The following ALDH7A1 variants were observed in gnomAD, a reference collection of about 807,000 sequenced individuals.
ALDH7A1 encodes the protein alpha-aminoadipic semialdehyde dehydrogenase.
In ALDH7A1, 63 loss-of-function variants were observed where a neutral mutation model predicts 79.9. The ratio of observed to expected loss-of-function variants is 0.79; its 90% CI spans 0.64 to 0.97. ALDH7A1 has a LOEUF of 0.97. Ranked by LOEUF, ALDH7A1 falls within the 50% of genes least tolerant of loss-of-function variation. The pLI is 0.00. For missense variants in ALDH7A1, 627 were observed against 665.2 expected, an observed-to-expected ratio of 0.94 and a Z score of 0.63; for synonymous variants, 240 against 231.2, an observed-to-expected ratio of 1.04 and a Z score of -0.34.
chr5:126,582,979 A>G lies in ALDH7A1; in HGVS notation c.394-5T>C, dbSNP rs1299570489. The G allele has an allele frequency of 1.9e-6, 3 of 1,614,046 alleles. No homozygotes were observed. In the Admixed American group the frequency reaches 5.0e-5, roughly 27 times the overall value. On this transcript the variant is annotated splice_polypyrimidine_tract_variant and splice_region_variant and intron_variant, in intron 4 of 17. Transcript: ENST00000409134. ...TTTCCCCATCTCCAAAGACACCTAG[A>G]AATATAAAACGACAAGCAGAATTTT...
At chr5:126,577,053 T>C in intron 6 of ALDH7A1, 26 bp downstream of exon 6, 1 of 1,613,232 alleles carries the variant, frequency 6.2e-7, no homozygotes, top group Non-Finnish European at 8.5e-7. Context: ...CACTCACTAC[T>C]AAATAGGAAA....
chr5:126,593,527 C>G, intron 1 of ALDH7A1, 123 bp from the exon 2 acceptor site: 2 of 1,353,600 alleles, frequency 1.5e-6, no homozygotes, highest in Middle Eastern at 2.4e-4. Flanking sequence ...ACTCAAAAAG[C>G]TTAGGTTAAC....
chr5:126,577,918 C>G (rs763925553), intron 5 of ALDH7A1, among the ~76,000 whole-genome samples: 11 of 151,014 alleles, frequency 7.3e-5, no homozygotes, highest in Non-Finnish European at 1.2e-4. Context: ...TCTCTGAATT[C>G]AAGACAAGGT....
intron 1 of ALDH7A1, 100 bp downstream of exon 1, chr5:126,594,907 T>G: frequency 4.8e-6 from 7 of 1,465,912 alleles, no homozygotes; most frequent in Non-Finnish European, 6.5e-6. Flanking sequence ...CCCATGCTAC[T>G]ACCGCATCCA....
At chr5:126,578,118 G>A (rs1409912979) in intron 5 of ALDH7A1, among the ~76,000 whole-genome samples, 1 of 150,206 alleles carries the variant, frequency 6.7e-6, no homozygotes, top group East Asian at 2.0e-4. Context: ...GTGAAACCCT[G>A]TCTCTACTGA....
intron 10 of ALDH7A1, among the ~76,000 whole-genome samples, chr5:126,560,256 G>C (rs1443271793): frequency 1.3e-5 from 2 of 152,182 alleles, no homozygotes; most frequent in East Asian, 3.9e-4. Flanking sequence ...CGGATCACCT[G>C]AAGTCAGGAG....
chr5:126,568,563 T>C, intron 8 of ALDH7A1: 1 of 570,214 alleles, frequency 1.8e-6, no homozygotes, highest in Admixed American at 2.9e-5. Flanking sequence ...GCTAACCTGC[T>C]GTGAGCATTT....
rs759132307 is a variant in ALDH7A1, at chr5:126,559,434, G to GTT, written c.914-102_914-101dup. 66,200 of 419,990 alleles carry GTT rather than the reference G, an allele frequency of 0.16. 2,171 individuals carry two copies. The highest frequency in any genetic ancestry group is 0.19 in the Non-Finnish European group (44,554 of 240,396). 26.0% of individuals were successfully genotyped at this position (419,990 alleles called of 1,614,324 possible). A position where few individuals can be genotyped will look rare whatever the true frequency, so the allele number is the denominator to read the frequency against. ...ATGTTGTTTTTTGTTTTTGGTTTTG[G>GTT]TTTTTTTTTTTTTTTTTTGAGACAG... On this transcript the variant is annotated intron_variant, in intron 10 of 17. Transcript: ENST00000409134.
chr5:126,566,060 T>C (rs1750571670), intron 9 of ALDH7A1, among the ~76,000 whole-genome samples: 1 of 152,258 alleles, frequency 6.6e-6, no homozygotes, highest in Non-Finnish European at 1.5e-5. Context: ...TTTGGCCTTT[T>C]AGGGTCCTTT....
intron 12 of ALDH7A1, 44 bp downstream of exon 12, chr5:126,555,887 G>T: frequency 1.4e-6 from 2 of 1,456,322 alleles, no homozygotes; most frequent in Non-Finnish European, 1.9e-6. Flanking sequence ...GTTAACAACA[G>T]CTCTCAAAAA....
intron 16 of ALDH7A1, among the ~76,000 whole-genome samples, chr5:126,548,847 C>T (rs1406436521): frequency 6.8e-6 from 1 of 146,046 alleles, no homozygotes; most frequent in Non-Finnish European, 1.5e-5. Flanking sequence ...ATGGCTTGAG[C>T]CCAGGAATTT....
chr5:126,565,379 C>A (rs1019791660), intron 9 of ALDH7A1, among the ~76,000 whole-genome samples: 4 of 107,686 alleles, frequency 3.7e-5, no homozygotes, highest in Non-Finnish European at 6.7e-5. Flanking sequence ...GGCAACAGAG[C>A]GTGAGATTCC....
Position 126,595,159 on chromosome 5 carries a change from T to C in ALDH7A1, c.40A>G (p.Lys14Glu). The change falls in exon 1 of 18, where the codon AAG becomes GAG. Residue 14 changes from lysine to glutamate, a missense_variant. Physicochemically the swap from Lys to Glu is moderately conservative, Grantham distance 56. Coordinates refer to ENST00000409134, the MANE Select transcript of ALDH7A1 (RefSeq NM_001182.5). ...LPRALCVHAAKTSKLSGPWSR... is the reference protein window; with the variant it reads ...LPRALCVHAAETSKLSGPWSR... ...CAAGGTCCAGAGAGCTTGCTGGTCT[T>C]TGCAGCGTGCACACACAGCGCGCGA... 6 of 1,556,356 alleles carry C rather than the reference T, an allele frequency of 3.9e-6. No homozygotes were observed. Among genetic ancestry groups the C allele is most frequent in the South Asian group, 2.4e-5 (2 of 84,606 alleles).
At position 126,549,962 on chromosome 5, in the gene ALDH7A1, G is replaced by C. The variant is rs1328061500; in HGVS notation, c.1456C>G (p.Pro486Ala). The change falls in exon 16 of 18, where the codon CCA becomes GCA. Residue 486 changes from proline (P) to alanine (A), a missense_variant. Coordinates refer to ENST00000409134, the MANE Select transcript of ALDH7A1 (RefSeq NM_001182.5). ...SDCGIVNVNI[P>A]TSGAEIGGAF... ...CCTCCAATCTCAGCCCCACTTGTTGGAATGTTGACATTTACAATGCCACAG... is the reference window on the plus strand; with the variant it reads ...CCTCCAATCTCAGCCCCACTTGTTGCAATGTTGACATTTACAATGCCACAG... 1.9e-6 allele frequency: 3 copies of C among 1,614,118 alleles called. No individual in the cohort carries two copies. The South Asian group carries it at 3.3e-5, about 18-fold the overall frequency.
chr5:126,558,181 A>C (rs1440248516), intron 11 of ALDH7A1, among the ~76,000 whole-genome samples: 302 of 149,854 alleles, frequency 2.0e-3, no homozygotes, highest in African/African-American at 7.2e-3. Context: ...AAAAAAAAAA[A>C]AAAAAAAAAA....
intron 8 of ALDH7A1, chr5:126,568,591 AG>A (rs1475972037): frequency 1.2e-5 from 6 of 520,530 alleles, no homozygotes; most frequent in African/African-American, 5.8e-5. Flanking sequence ...AATCACCTAG[AG>A]GAAGTTGTTA....
At chr5:126,577,490 C>A (rs1426007116) in intron 5 of ALDH7A1, among the ~76,000 whole-genome samples, 1 of 152,166 alleles carries the variant, frequency 6.6e-6, no homozygotes, top group Non-Finnish European at 1.5e-5. Flanking sequence ...GACAAGGACA[C>A]TTTCTAGAGT....
chr5:126,546,883 A>G (rs1326129068), intron 16 of ALDH7A1, among the ~76,000 whole-genome samples: 5 of 152,224 alleles, frequency 3.3e-5, no homozygotes, highest in Non-Finnish European at 7.3e-5. Flanking sequence ...TTTGAAATAA[A>G]AGCTTCTCTA....
intron 11 of ALDH7A1, among the ~76,000 whole-genome samples, chr5:126,556,239 C>CTTTTTTTTT (rs35367836): frequency 6.5e-4 from 64 of 97,932 alleles, no homozygotes; most frequent in Non-Finnish European, 8.7e-4. Context: ...TAAGCCATGT[C>CTTTTTTTTT]TTTTTTTTTT....
Sources: gnomAD v4.1 joint callset for allele counts (sites outside exome capture counted in the v4.1 genomes callset) on GRCh38, gnomAD v4.1.1 for gene constraint, MANE v1.5 for transcripts, NCBI Gene and HGNC (gene_info 2026-07-23, HGNC 2026-07-21) for gene names.